FREM2: variants seen among roughly 807,000 people sequenced by gnomAD.
FREM2 encodes FRAS1-related extracellular matrix protein 2.
Under a neutral mutation model 219.9 loss-of-function variants are expected in FREM2, and 119 were observed. The ratio of observed to expected loss-of-function variants is 0.54; its 90% CI spans 0.47 to 0.63. The LOEUF (loss-of-function observed/expected upper bound fraction) is 0.63, where lower values mean the gene tolerates loss of function less well. Among genes scored for constraint, FREM2 ranks in the 30% least tolerant of loss-of-function variants. The pLI, the probability that FREM2 is intolerant of heterozygous loss-of-function variation, is 0.00. For synonymous variants in FREM2, 1,562 were observed against 1,522.8 expected (o/e 1.03, Z -0.60); for missense variants, 4,030 against 3,993.6 (o/e 1.01, Z -0.25).
rs752508221 is a variant in FREM2 at position 38,876,087 on chromosome 13, A to T, written c.8347A>T (p.Ile2783Leu). ...HPGLTFSLRL[I>L]RSEPTYNQPV... Reference sequence around the variant, plus strand: ...AGGCCTGACATTTTCCCTCCGCCTCATAAGGAGTGAACCAACCTATAACCA... The same window carrying T: ...AGGCCTGACATTTTCCCTCCGCCTCTTAAGGAGTGAACCAACCTATAACCA... The change falls in exon 19 of 24, where the codon ATA (isoleucine) becomes TTA (leucine). Residue 2783 changes from isoleucine to leucine, a missense_variant. Coordinates refer to ENST00000280481, the MANE Select transcript of FREM2 (RefSeq NM_207361.6). 11 of 1,614,132 alleles carry T rather than the reference A, an allele frequency of 6.8e-6. No individual in the cohort carries two copies. The East Asian group carries it at 2.5e-4, about 36-fold the overall frequency.
chr13:38,715,801 T>G (rs1489236342), intron 2 of FREM2, among the ~76,000 whole-genome samples: 2 of 152,150 alleles, frequency 1.3e-5, no homozygotes, highest in East Asian at 3.9e-4. Context: ...TAAAATCTGT[T>G]AATTTTTCTA....
chr13:38,735,936 A>G (rs1871972689), intron 2 of FREM2, among the ~76,000 whole-genome samples: 1 of 152,208 alleles, frequency 6.6e-6, no homozygotes, highest in South Asian at 2.1e-4. Context: ...CTGTTCGTGT[A>G]AAATCTGACA....
chr13:38,687,775 G>A lies in FREM2; in HGVS notation c.431G>A (p.Arg144His). 6.5e-7 allele frequency: 1 copy of A among 1,537,854 alleles called. No individual in the cohort carries two copies. The highest frequency in any genetic ancestry group is 2.3e-5 in the East Asian group (1 of 43,710). ...GTGCGCTACTCTCACCTGGGCGCGC[G>A]CAGCCCGTCTCGGGACCGCGTCCGG... ...GEVRYSHLGA[R>H]SPSRDRVRLQ... Residue 144 changes from arginine to histidine, a missense_variant, in exon 1 of 24, where the codon CGC becomes CAC. Arg to His is a conservative substitution (Grantham distance 29). Around this residue, in one of 2 missense-constraint regions of FREM2, gnomAD observed 3,102 missense variants for 2,950.7 expected, o/e 1.05. Coordinates refer to ENST00000280481, the MANE Select transcript of FREM2 (RefSeq NM_207361.6).
At chr13:38,746,207 C>T (rs975140405) in intron 2 of FREM2, among the ~76,000 whole-genome samples, 2 of 152,096 alleles carry the variant, frequency 1.3e-5, no homozygotes, top group African/African-American at 4.8e-5. Context: ...ACTGTGAACT[C>T]TTTTTCTGCA....
intron 6 of FREM2, among the ~76,000 whole-genome samples, chr13:38,832,095 A>G (rs1387883863): frequency 1.3e-5 from 2 of 151,928 alleles, no homozygotes; most frequent in Non-Finnish European, 1.5e-5. Flanking sequence ...CAGGTGGATC[A>G]CTTGAGGTCA....
chr13:38,753,504 G>A (rs530270241), intron 2 of FREM2, among the ~76,000 whole-genome samples: 13 of 152,256 alleles, frequency 8.5e-5, no homozygotes, highest in African/African-American at 2.6e-4. Flanking sequence ...CTTGGCATCC[G>A]TTTATATTAT....
chr13:38,812,243 C>A (rs755789416), intron 6 of FREM2, among the ~76,000 whole-genome samples: 1 of 151,938 alleles, frequency 6.6e-6, no homozygotes, highest in African/African-American at 2.4e-5. Flanking sequence ...GTTTTTTCGT[C>A]CATTCAGCCA....
intron 6 of FREM2, among the ~76,000 whole-genome samples, chr13:38,811,709 G>T (rs533337928): frequency 6.6e-6 from 1 of 152,020 alleles, no homozygotes; most frequent in South Asian, 2.1e-4. Flanking sequence ...GACTTGTTTT[G>T]TGACCTAACG....
chr13:38,768,077 T>C (rs1466480796), intron 3 of FREM2, among the ~76,000 whole-genome samples: 3 of 152,184 alleles, frequency 2.0e-5, no homozygotes, highest in African/African-American at 7.2e-5. Flanking sequence ...GAATAGAGCC[T>C]GGCATGGAAT....
chr13:38,850,775 T>G (rs1158760277), intron 9 of FREM2, among the ~76,000 whole-genome samples, 169 bp from the exon 10 acceptor site: 2 of 152,260 alleles, frequency 1.3e-5, no homozygotes, highest in Non-Finnish European at 2.9e-5. Context: ...ACTTAAATAT[T>G]TATTCACTTA....
intron 15 of FREM2, among the ~76,000 whole-genome samples, 191 bp from the exon 16 acceptor site, chr13:38,864,084 C>T (rs111730219): frequency 0.021 from 1,933 of 92,194 alleles, 53 homozygotes; most frequent in African/African-American, 0.11. Flanking sequence ...CCACCTAGAC[C>T]TCCCAAAGTG....
In FREM2 at chr13:38,859,539, G is replaced by A. The variant is rs1030284298; in HGVS notation, c.7468G>A (p.Asp2490Asn). The A allele has an allele frequency of 2.5e-6, 4 of 1,614,058 alleles. No individual in the cohort carries two copies. Among genetic ancestry groups the A allele is most frequent in the Non-Finnish European group, 2.5e-6 (3 of 1,180,004 alleles). The change falls in exon 14 of 24, where the codon GAT becomes AAT. Residue 2490 changes from aspartate (D) to asparagine (N), a missense_variant. By Grantham distance (23) the Asp-to-Asn change is conservative. Coordinates refer to ENST00000280481, the MANE Select transcript of FREM2 (RefSeq NM_207361.6). ...AGCTCGTGCTGTGAACACCAATGGG[G>A]ATGAAGGCCTGGAGCTCATGAGCCC... The part of the protein sequence containing the change: ...CAARAVNTNG[D>N]EGLELMSPIV...
intron 16 of FREM2, 52 bp from the exon 17 acceptor site, chr13:38,872,690 C>G: frequency 6.8e-7 from 1 of 1,478,736 alleles, no homozygotes; most frequent in Non-Finnish European, 9.5e-7. Flanking sequence ...CAAAATTAGG[C>G]CCACTTAGTT....
intron 3 of FREM2, 44 bp from the exon 4 acceptor site, chr13:38,769,534 A>G: frequency 6.6e-7 from 1 of 1,509,480 alleles, no homozygotes; most frequent in Non-Finnish European, 9.2e-7. Context: ...TTAATAATCC[A>G]AGCGAAAATG....
intron 3 of FREM2, among the ~76,000 whole-genome samples, chr13:38,765,686 TATTA>T (rs1187795535): frequency 2.0e-5 from 3 of 152,226 alleles, no homozygotes; most frequent in Admixed American, 6.5e-5. Context: ...TGATTCTGAA[TATTA>T]ATTACCCCTT....
intron 2 of FREM2, among the ~76,000 whole-genome samples, chr13:38,727,513 G>C (rs1397875488): frequency 6.6e-6 from 1 of 152,062 alleles, no homozygotes; most frequent in African/African-American, 2.4e-5. Context: ...ACAAAAACCA[G>C]ATCAACATTC....
chr13:38,747,395 A>ATGTG (rs71917471), intron 2 of FREM2, among the ~76,000 whole-genome samples: 66,665 of 142,666 alleles, frequency 0.47, 16,960 homozygotes, highest in Admixed American at 0.57. Context: ...CTGATATAAT[A>ATGTG]TGTGTGTGTG....
intron 6 of FREM2, among the ~76,000 whole-genome samples, chr13:38,798,043 T>A (rs1874862113): frequency 6.6e-6 from 1 of 152,116 alleles, no homozygotes. Flanking sequence ...GGCATCCTTA[T>A]CTTGATCTAT....
At chr13:38,754,206 G>C (rs999609820) in intron 2 of FREM2, among the ~76,000 whole-genome samples, 1 of 151,948 alleles carries the variant, frequency 6.6e-6, no homozygotes, top group African/African-American at 2.4e-5. Context: ...CCTAGCTTGC[G>C]TTAATTTTTT....
Sources: gnomAD v4.1 joint callset for allele counts (sites outside exome capture counted in the v4.1 genomes callset) on GRCh38, gnomAD v4.1.1 for gene constraint, gnomAD v4.1.1 regional missense constraint, MANE v1.5 for transcripts, NCBI Gene and HGNC (gene_info 2026-07-23, HGNC 2026-07-21) for gene names.